The following NME7 variants were observed in gnomAD, a reference collection of about 807,000 sequenced individuals.
The protein encoded by NME7 is NME/NM23 family member 7.
Under a neutral mutation model 49.1 loss-of-function variants are expected in NME7, and 41 were observed. The ratio of observed to expected loss-of-function variants is 0.83; its 90% CI spans 0.65 to 1.08. The LOEUF is 1.08. NME7 is among the 50% of genes least tolerant of loss of function. The pLI is 0.00. For synonymous variants in NME7, 139 were observed against 150.6 expected, an observed-to-expected ratio of 0.92 and a Z score of 0.56; for missense variants, 423 against 463.4, an observed-to-expected ratio of 0.91 and a Z score of 0.80.
In NME7 at chr1:169,297,714, G is replaced by C. The variant is rs534020819; in HGVS notation, c.648+842C>G. On this transcript the variant is annotated intron_variant, in intron 6 of 11. Coordinates refer to ENST00000367811, the MANE Select transcript of NME7 (RefSeq NM_013330.5). ...ATTCACTGAAGGGTTTTCAGCAGGT[G>C]AATGTTAATCTGATTTGTCTTTAAA... 2.5e-4 allele frequency among the ~76,000 whole-genome samples: 38 copies of C among 152,288 alleles called. No homozygotes were observed. The South Asian group carries it at 7.9e-3, about 32-fold the overall frequency.
rs1660812037 is a variant in NME7, at chr1:169,211,336, G to A, written c.990+19382C>T. On this transcript the variant is annotated intron_variant, in intron 10 of 11. Transcript: ENST00000367811. ...ATTTACAGTATGTCATACCTAGGAGGCTGAGATAGTATAAAGTTCTTTTTG... is the reference window on the plus strand; with the variant it reads ...ATTTACAGTATGTCATACCTAGGAGACTGAGATAGTATAAAGTTCTTTTTG... Among the ~76,000 whole-genome samples the A allele has an allele frequency of 2.6e-5, 4 of 152,234 alleles. No individual in the cohort carries two copies. In the South Asian group the frequency reaches 8.3e-4, roughly 32 times the overall value.
At chr1:169,188,052 T>C (rs1571275829) in intron 10 of NME7, among the ~76,000 whole-genome samples, 1 of 152,298 alleles carries the variant, frequency 6.6e-6, no homozygotes, top group Admixed American at 6.5e-5. Context: ...AACTCTTTTC[T>C]TTAAGAATGT....
At chr1:169,354,049 G>A (rs573699244) in intron 1 of NME7, among the ~76,000 whole-genome samples, 52 of 152,022 alleles carry the variant, frequency 3.4e-4, no homozygotes, top group Non-Finnish European at 6.5e-4. Flanking sequence ...TCCCACCACC[G>A]GGTCTATACC....
chr1:169,209,477 G>A (rs1350527038), intron 10 of NME7, among the ~76,000 whole-genome samples: 2 of 151,956 alleles, frequency 1.3e-5, no homozygotes, highest in Non-Finnish European at 2.9e-5. Flanking sequence ...CTATGTACTT[G>A]CTTGTGCCCA....
At chr1:169,364,650 A>G (rs1653782564) in intron 1 of NME7, among the ~76,000 whole-genome samples, 1 of 152,186 alleles carries the variant, frequency 6.6e-6, no homozygotes, top group Admixed American at 6.5e-5. Flanking sequence ...AGTGAGAGAA[A>G]TCTAACCTAA....
intron 11 of NME7, among the ~76,000 whole-genome samples, chr1:169,148,302 C>T (rs1363867394): frequency 6.6e-6 from 1 of 152,012 alleles, no homozygotes; most frequent in Non-Finnish European, 1.5e-5. Flanking sequence ...TGCACCCGGA[C>T]TCATTTCTTT....
chr1:169,296,271 T>G (rs1173409808), intron 6 of NME7, among the ~76,000 whole-genome samples: 1 of 152,168 alleles, frequency 6.6e-6, no homozygotes, highest in Non-Finnish European at 1.5e-5. Flanking sequence ...CCTTACAAAG[T>G]TCACCAATGA....
chr1:169,324,339 G>T, intron 2 of NME7, 54 bp downstream of exon 2: 2 of 1,096,336 alleles, frequency 1.8e-6, no homozygotes, highest in South Asian at 1.3e-5. Flanking sequence ...AAAAGGCAAT[G>T]GTTCCCATGT....
chr1:169,156,223 T>A (rs982875364), intron 11 of NME7, among the ~76,000 whole-genome samples: 1 of 150,854 alleles, frequency 6.6e-6, no homozygotes, highest in African/African-American at 2.4e-5. Flanking sequence ...TGAGGAGGGA[T>A]CACTTGAGCC....
At chr1:169,232,796 A>C (rs1647688327) in intron 9 of NME7, among the ~76,000 whole-genome samples, 1 of 152,090 alleles carries the variant, frequency 6.6e-6, no homozygotes, top group Non-Finnish European at 1.5e-5. Flanking sequence ...AAAATGCCAG[A>C]CAAAAATATA....
intron 5 of NME7, 70 bp from the exon 6 acceptor site, chr1:169,298,833 T>G: frequency 8.3e-7 from 1 of 1,201,386 alleles, no homozygotes; most frequent in Admixed American, 2.1e-5. Context: ...AACGACAGGA[T>G]ATATTTAAAT....
intron 1 of NME7, among the ~76,000 whole-genome samples, chr1:169,330,902 T>C (rs532253457): frequency 5.3e-5 from 8 of 151,840 alleles, no homozygotes; most frequent in African/African-American, 1.9e-4. Flanking sequence ...AGACTCCCAG[T>C]AAAGAAAAGT....
intron 10 of NME7, among the ~76,000 whole-genome samples, chr1:169,205,198 A>G (rs1230771986): frequency 1.3e-5 from 2 of 152,138 alleles, no homozygotes; most frequent in Non-Finnish European, 2.9e-5. Context: ...TCATTTACTA[A>G]TTCACTACTT....
intron 4 of NME7, among the ~76,000 whole-genome samples, chr1:169,309,358 C>T (rs1425116022): frequency 2.6e-5 from 4 of 152,068 alleles, no homozygotes; most frequent in Admixed American, 2.6e-4. Flanking sequence ...TGGTTAGAAC[C>T]AAGATATGCA....
At chr1:169,247,127 A>G (rs887009813) in intron 7 of NME7, 3 of 454,674 alleles carry the variant, frequency 6.6e-6, no homozygotes, top group Non-Finnish European at 1.3e-5. Flanking sequence ...TTGAAATAAG[A>G]TCACAGTTTT....
intron 1 of NME7, among the ~76,000 whole-genome samples, chr1:169,366,702 A>T (rs770404167): frequency 1.2e-3 from 182 of 152,302 alleles, no homozygotes; most frequent in Non-Finnish European, 2.2e-3. Flanking sequence ...TGGGGGCATG[A>T]GGTTGAAGAA....
chr1:169,319,131 A>G (rs1651763542), intron 3 of NME7, among the ~76,000 whole-genome samples: 2 of 152,030 alleles, frequency 1.3e-5, no homozygotes, highest in Admixed American at 1.3e-4. Context: ...ATATCCCAAT[A>G]CTGTAATCCT....
At chr1:169,148,004 T>C (rs1658807716) in intron 11 of NME7, among the ~76,000 whole-genome samples, 2 of 93,740 alleles carry the variant, frequency 2.1e-5, no homozygotes, top group Admixed American at 1.2e-4. Flanking sequence ...AAGTTTCTTT[T>C]ATTTTATTTT....
intron 10 of NME7, among the ~76,000 whole-genome samples, chr1:169,199,057 AC>A (rs1338548114): frequency 1.3e-5 from 2 of 152,108 alleles, no homozygotes; most frequent in African/African-American, 4.8e-5. Context: ...TAATACTTAA[AC>A]GTACTTAAAG....
Sources: gnomAD v4.1 joint callset for allele counts (sites outside exome capture counted in the v4.1 genomes callset) on GRCh38, gnomAD v4.1.1 for gene constraint, MANE v1.5 for transcripts, NCBI Gene and HGNC (gene_info 2026-07-23, HGNC 2026-07-21) for gene names.